LTAP1: variants seen among roughly 807,000 people sequenced by gnomAD.
LTAP1 encodes the protein HCV NS5A-transactivated protein 4.
the LTAP1 span, among the ~76,000 whole-genome samples, chr1:154,210,762 C>T: frequency 3.9e-5 from 6 of 152,090 alleles, no homozygotes; most frequent in African/African-American, 1.2e-4. Context: ...CAGGTGTGAG[C>T]CACTGCGCCC....
chr1:154,220,181 C>A, the LTAP1 span: 1 of 940,490 alleles, frequency 1.1e-6, no homozygotes, highest in South Asian at 1.5e-5. Flanking sequence ...CGGGTCGGCC[C>A]GACTAAGTGA....
chr1:154,212,560 G>T, the LTAP1 span: 1 of 1,614,234 alleles, frequency 6.2e-7, no homozygotes, highest in Non-Finnish European at 8.5e-7. Flanking sequence ...GATCCAGCAG[G>T]TAGGAGCGGA....
At chr1:154,207,270 A>C in the LTAP1 span, 1 of 555,752 alleles carries the variant, frequency 1.8e-6, no homozygotes, top group Non-Finnish European at 3.2e-6. Flanking sequence ...AAAAATGCTC[A>C]TAAGGAAGGG....
At chr1:154,212,390 G>A in the LTAP1 span, 1 of 1,614,160 alleles carries the variant, frequency 6.2e-7, no homozygotes, top group Admixed American at 1.7e-5. Flanking sequence ...TTAGGAAAGA[G>A]AAAGGAAGAG....
chr1:154,207,612 G>A, the LTAP1 span: 12 of 1,612,286 alleles, frequency 7.4e-6, no homozygotes, highest in Middle Eastern at 1.7e-4. Flanking sequence ...CTGCTGACTG[G>A]TGATGTCGCT....
At chr1:154,212,384 GA>G in the LTAP1 span, 2 of 1,613,996 alleles carry the variant, frequency 1.2e-6, no homozygotes, top group Non-Finnish European at 1.7e-6. Flanking sequence ...AAGACCTTAG[GA>G]AAGAGAAAGG....
At chr1:154,219,033 T>C in the LTAP1 span, among the ~76,000 whole-genome samples, 1 of 152,188 alleles carries the variant, frequency 6.6e-6, no homozygotes, top group Non-Finnish European at 1.5e-5. Context: ...CCAGTGGAGC[T>C]GGGTCCCAGT....
the LTAP1 span, among the ~76,000 whole-genome samples, chr1:154,214,969 A>C: frequency 6.6e-6 from 1 of 150,956 alleles, no homozygotes; most frequent in African/African-American, 2.4e-5. Flanking sequence ...CTCAGCCTCC[A>C]GAGTAGCTGG....
At chr1:154,207,785 C>A in the LTAP1 span, 3 of 725,852 alleles carry the variant, frequency 4.1e-6, no homozygotes, top group Non-Finnish European at 6.7e-6. Flanking sequence ...AAACTAGTTA[C>A]TAAAACCCCA....
chr1:154,213,846 G>A, the LTAP1 span: 1 of 1,521,352 alleles, frequency 6.6e-7, no homozygotes, highest in South Asian at 1.1e-5. Context: ...CTGTTCCCTA[G>A]GTGGGCTTTC....
chr1:154,218,212 C>A, the LTAP1 span, among the ~76,000 whole-genome samples: 1 of 152,198 alleles, frequency 6.6e-6, no homozygotes. Context: ...AACTTAATTT[C>A]TCTATGGTAG....
At chr1:154,212,819 G>T in the LTAP1 span, 2 of 581,506 alleles carry the variant, frequency 3.4e-6, no homozygotes, top group Admixed American at 3.1e-5. Flanking sequence ...GCACCACCAT[G>T]CCAGGCTTAT....
chr1:154,209,891 A>G, the LTAP1 span, among the ~76,000 whole-genome samples: 7 of 151,258 alleles, frequency 4.6e-5, no homozygotes, highest in African/African-American at 1.5e-4. Context: ...CACCTGGCCT[A>G]ATTTTTTTAT....
chr1:154,216,125 C>T, the LTAP1 span, among the ~76,000 whole-genome samples: 2 of 152,150 alleles, frequency 1.3e-5, no homozygotes, highest in Non-Finnish European at 2.9e-5. Context: ...GCGTGAGCCA[C>T]CGCGCCCGGC....
chr1:154,220,104 A>C, the LTAP1 span: 1 of 720,402 alleles, frequency 1.4e-6, no homozygotes, highest in Non-Finnish European at 2.3e-6. Context: ...GGATCTAAGA[A>C]GCCAGCAGCA....
chr1:154,219,749 A>G, the LTAP1 span: 1 of 967,304 alleles, frequency 1.0e-6, no homozygotes, highest in South Asian at 1.6e-5. Flanking sequence ...CATGAGAATT[A>G]AAGTCATCAC....
At chr1:154,207,183 G>T in the LTAP1 span, 1 of 329,406 alleles carries the variant, frequency 3.0e-6, no homozygotes, top group Non-Finnish European at 5.6e-6. Context: ...AGCTTTGACA[G>T]AAACATTAAG....
the LTAP1 span, among the ~76,000 whole-genome samples, chr1:154,209,413 G>A: frequency 3.5e-5 from 5 of 143,678 alleles, no homozygotes; most frequent in African/African-American, 1.3e-4. Context: ...TTTCATCAGT[G>A]CTCTAAGCAG....
the LTAP1 span, chr1:154,212,667 G>A: frequency 1.2e-6 from 2 of 1,608,482 alleles, no homozygotes; most frequent in Non-Finnish European, 1.7e-6. Flanking sequence ...TCATTCTTTA[G>A]TCTTTTTTTT....
Sources: gnomAD v4.1 joint callset for allele counts (sites outside exome capture counted in the v4.1 genomes callset) on GRCh38, gnomAD v4.1.1 for gene constraint, MANE v1.5 for transcripts, NCBI Gene and HGNC (gene_info 2026-07-23, HGNC 2026-07-21) for gene names.